DSE: variants seen among roughly 807,000 people sequenced by gnomAD.
DSE encodes dermatan sulfate epimerase.
In DSE, 36 loss-of-function variants were observed where a neutral mutation model predicts 84.4. That is an observed-to-expected ratio of 0.43 (90% confidence interval 0.33 to 0.56). The LOEUF is 0.56. Among genes scored for constraint, DSE ranks in the 20% least tolerant of loss-of-function variants. The pLI, the probability that DSE is intolerant of heterozygous loss-of-function variation, is 0.06. For missense variants in DSE, 862 were observed against 1,169.6 expected (o/e 0.74, Z 3.84); for synonymous variants, 410 against 430.1 (o/e 0.95, Z 0.58).
intron 2 of DSE, among the ~76,000 whole-genome samples, chr6:116,311,504 C>CA (rs1219050094): frequency 6.6e-6 from 1 of 152,092 alleles, no homozygotes; most frequent in Non-Finnish European, 1.5e-5. Context: ...CTTGTAACAA[C>CA]AAAAAATTGG....
intron 2 of DSE, among the ~76,000 whole-genome samples, chr6:116,348,180 C>A (rs994273821): frequency 6.6e-6 from 1 of 152,220 alleles, no homozygotes; most frequent in Non-Finnish European, 1.5e-5. Flanking sequence ...GTAATCCCAG[C>A]ACTTTGGGAG....
At chr6:116,330,523 T>G (rs1233781934) in intron 2 of DSE, among the ~76,000 whole-genome samples, 1 of 152,222 alleles carries the variant, frequency 6.6e-6, no homozygotes, top group African/African-American at 2.4e-5. Flanking sequence ...AGAGCTACCC[T>G]TAAATACAAC....
chr6:116,434,876 A>G (rs1784054363), intron 5 of DSE, among the ~76,000 whole-genome samples: 1 of 152,336 alleles, frequency 6.6e-6, no homozygotes, highest in South Asian at 2.1e-4. Context: ...AACATTTATC[A>G]TAAATGAAAA....
chr6:116,418,083 A>G (rs183899660), intron 2 of DSE, among the ~76,000 whole-genome samples: 1 of 152,322 alleles, frequency 6.6e-6, no homozygotes, highest in Non-Finnish European at 1.5e-5. Context: ...CCAGCTAATC[A>G]CACATCTGCT....
chr6:116,274,375 A>G (rs1773018523), intron 2 of DSE, among the ~76,000 whole-genome samples: 1 of 151,968 alleles, frequency 6.6e-6, no homozygotes, highest in Non-Finnish European at 1.5e-5. Flanking sequence ...CAGCGTGACC[A>G]ACATGGAGAA....
At chr6:116,319,834 T>A (rs1397416778) in intron 2 of DSE, among the ~76,000 whole-genome samples, 1 of 152,162 alleles carries the variant, frequency 6.6e-6, no homozygotes, top group Non-Finnish European at 1.5e-5. Context: ...TTCATAAATA[T>A]GTTCTTCTCC....
intron 2 of DSE, among the ~76,000 whole-genome samples, chr6:116,306,130 G>A (rs1038167158): frequency 6.6e-6 from 1 of 152,098 alleles, no homozygotes. Context: ...TATGTAAAAA[G>A]AGAACAATAA....
exon 2 of DSE, chr6:116,258,693 C>T (rs764453945): frequency 6.2e-7 from 1 of 1,606,302 alleles, no homozygotes; most frequent in Non-Finnish European, 8.5e-7. Context: ...GAAGTGGGGA[C>T]ACGTCCACAG....
intron 1 of DSE, among the ~76,000 whole-genome samples, chr6:116,382,451 C>G (rs186111984): frequency 6.6e-6 from 1 of 152,230 alleles, no homozygotes; most frequent in Admixed American, 6.5e-5. Context: ...CCATAAAGGG[C>G]TTTGGGATTT....
intron 2 of DSE, among the ~76,000 whole-genome samples, chr6:116,329,851 G>T (rs1246180296): frequency 6.6e-6 from 1 of 152,200 alleles, no homozygotes; most frequent in Non-Finnish European, 1.5e-5. Context: ...TTGAGATGGA[G>T]TCTTGCTCTG....
In DSE at chr6:116,430,298, T is replaced by C. The variant is rs573283591; in HGVS notation, c.671-656T>C. Among the ~76,000 whole-genome samples the C allele has an allele frequency of 3.3e-5, 5 of 152,374 alleles. No homozygotes were observed. The South Asian group carries it at 1.0e-3, about 32-fold the overall frequency. ...AATTGAAGACTGTCCGTTTAGCGTT[T>C]ATAATATGTGCAGCCTATTACAAAT... On this transcript the variant is annotated intron_variant, in intron 3 of 5. Coordinates refer to ENST00000644252, the MANE Select transcript of DSE (RefSeq NM_013352.4).
chr6:116,351,002 T>A (rs1198595201), intron 2 of DSE, among the ~76,000 whole-genome samples: 2 of 152,140 alleles, frequency 1.3e-5, no homozygotes, highest in East Asian at 3.8e-4. Context: ...GAACTTACAG[T>A]CTTAAAAAAG....
intron 2 of DSE, among the ~76,000 whole-genome samples, chr6:116,275,258 G>A (rs927845755): frequency 1.3e-5 from 2 of 152,120 alleles, no homozygotes; most frequent in Non-Finnish European, 2.9e-5. Flanking sequence ...AATGTACAAA[G>A]TATATAAAAG....
At chr6:116,380,933 G>C (rs1209251302) in intron 1 of DSE, among the ~76,000 whole-genome samples, 3 of 152,106 alleles carry the variant, frequency 2.0e-5, no homozygotes, top group African/African-American at 7.2e-5. Context: ...CCTCCTCAGT[G>C]CATCCTTCCT....
intron 2 of DSE, among the ~76,000 whole-genome samples, chr6:116,331,314 G>C (rs1377586178): frequency 6.6e-6 from 1 of 152,158 alleles, no homozygotes; most frequent in Non-Finnish European, 1.5e-5. Flanking sequence ...CTGCAGGGCT[G>C]GGGAGGCCTC....
chr6:116,419,153 C>CT (rs1782915735), intron 2 of DSE, among the ~76,000 whole-genome samples: 1 of 152,212 alleles, frequency 6.6e-6, no homozygotes, highest in African/African-American at 2.4e-5. Flanking sequence ...GATCAAGTCT[C>CT]TATCTTTCAG....
chr6:116,291,762 C>T (rs1197125830), intron 2 of DSE, among the ~76,000 whole-genome samples: 2 of 151,962 alleles, frequency 1.3e-5, no homozygotes, highest in Non-Finnish European at 2.9e-5. Flanking sequence ...TATAAAAATG[C>T]AGGCAAGGGT....
intron 2 of DSE, among the ~76,000 whole-genome samples, chr6:116,294,781 A>G (rs960231265): frequency 6.6e-6 from 1 of 152,120 alleles, no homozygotes; most frequent in Non-Finnish European, 1.5e-5. Flanking sequence ...GAACATAAGG[A>G]AAAAGAGGAG....
At chr6:116,299,828 T>C (rs1322133791) in intron 2 of DSE, among the ~76,000 whole-genome samples, 2 of 152,064 alleles carry the variant, frequency 1.3e-5, no homozygotes, top group Non-Finnish European at 2.9e-5. Context: ...TACTGTGAAT[T>C]GAAACTGAGA....
Sources: gnomAD v4.1 joint callset for allele counts (sites outside exome capture counted in the v4.1 genomes callset) on GRCh38, gnomAD v4.1.1 for gene constraint, MANE v1.5 for transcripts, NCBI Gene and HGNC (gene_info 2026-07-23, HGNC 2026-07-21) for gene names.